NPSR1: variants seen among roughly 807,000 people sequenced by gnomAD.
NPSR1 encodes the protein neuropeptide S receptor 1.
A neutral mutation model predicts 46.9 loss-of-function variants in NPSR1; 48 were observed. The ratio of observed to expected loss-of-function variants is 1.02; its 90% CI spans 0.81 to 1.30. NPSR1 has a LOEUF of 1.30. NPSR1 is among the 50% of genes most tolerant of loss of function. The pLI is 0.00. For synonymous variants in NPSR1, 176 were observed against 168.1 expected, an observed-to-expected ratio of 1.05 and a Z score of -0.36; for missense variants, 450 against 449.5, an observed-to-expected ratio of 1.00 and a Z score of -0.01.
chr7:34,664,620 A>ATTTTTT lies in NPSR1; in HGVS notation c.147+6061_147+6062insTTTTTT, dbSNP rs201440598. On this transcript the variant is annotated intron_variant, in intron 1 of 8. Coordinates refer to ENST00000360581, the MANE Select transcript of NPSR1 (RefSeq NM_207172.2). ...AGCTGTTTCTTTTCTTTTTTTTAAAAAAAAAAAATGAGACCATGAAAATGT... is the reference window on the plus strand; with the variant it reads ...AGCTGTTTCTTTTCTTTTTTTTAAAATTTTTTAAAAAAAATGAGACCATGAAAATGT... 2.5e-3 allele frequency among the ~76,000 whole-genome samples: 369 copies of ATTTTTT among 149,348 alleles called. 3 individuals carry two copies. Among genetic ancestry groups the ATTTTTT allele is most frequent in the African/African-American group, 8.3e-3 (327 of 39,288 alleles).
intron 3 of NPSR1, among the ~76,000 whole-genome samples, chr7:34,781,825 G>A (rs1256225226): frequency 6.6e-6 from 1 of 152,130 alleles, no homozygotes. Flanking sequence ...ATCACAGCCA[G>A]CACCATAGTA....
In NPSR1 at chr7:34,844,913, A is replaced by G. The variant is rs1365615076; in HGVS notation, c.775A>G (p.Ser259Gly). Residue 259 changes from serine to glycine, a missense_variant, in exon 7 of 9, where the codon AGC (serine) becomes GGC (glycine). Physicochemically the swap from Ser to Gly is moderately conservative, Grantham distance 56. Transcript: ENST00000360581. ...SNCSDGKLCSSYNRGLISKAK... is the reference protein window; with the variant it reads ...SNCSDGKLCSGYNRGLISKAK... ...ATCTACAGATGGGAAACTGTGCAGC[A>G]GCTATAACCGAGGACTCATCTCAAA... The G allele has an allele frequency of 6.2e-7, 1 of 1,609,476 alleles. No individual in the cohort carries two copies. Among genetic ancestry groups the G allele is most frequent in the Admixed American group, 1.7e-5 (1 of 60,008 alleles).
In NPSR1 at chr7:34,658,334, C is replaced by G; in HGVS notation, c.-79C>G. On this transcript the variant is annotated 5_prime_UTR_variant, in exon 1 of 9. Coordinates refer to ENST00000360581, the MANE Select transcript of NPSR1 (RefSeq NM_207172.2). ...CCGTTCAGCAGAGCTGCAGCTGCTG[C>G]CCAGCTCTCAGGAGGCAAGCTGGAC... 2.0e-6 allele frequency: 3 copies of G among 1,510,444 alleles called. No individual in the cohort carries two copies. The highest frequency in any genetic ancestry group is 2.7e-6 in the Non-Finnish European group (3 of 1,100,404). 93.6% of individuals were successfully genotyped at this position (1,510,444 alleles called of 1,614,324 possible).
chr7:34,734,642 C>G (rs1433948801), intron 2 of NPSR1, among the ~76,000 whole-genome samples: 1 of 152,188 alleles, frequency 6.6e-6, no homozygotes, highest in Admixed American at 6.5e-5. Context: ...TCAAAACTCA[C>G]AAGAGAAAAA....
At chr7:34,756,884 T>C (rs1785890731) in intron 2 of NPSR1, among the ~76,000 whole-genome samples, 1 of 152,250 alleles carries the variant, frequency 6.6e-6, no homozygotes. Flanking sequence ...CCCTTGTGGC[T>C]GGCACTGAGC....
At chr7:34,669,900 A>G (rs1356687664) in intron 1 of NPSR1, among the ~76,000 whole-genome samples, 1 of 152,178 alleles carries the variant, frequency 6.6e-6, no homozygotes, top group Non-Finnish European at 1.5e-5. Flanking sequence ...AAAAAACGAG[A>G]GTGTTTTATA....
At chr7:34,757,882 C>G (rs1349583570) in intron 2 of NPSR1, among the ~76,000 whole-genome samples, 1 of 152,204 alleles carries the variant, frequency 6.6e-6, no homozygotes, top group Non-Finnish European at 1.5e-5. Flanking sequence ...AGCTCAGACT[C>G]TTCTAGAGGT....
intron 2 of NPSR1, among the ~76,000 whole-genome samples, chr7:34,737,364 AAAG>A (rs1178873925): frequency 1.3e-5 from 2 of 151,494 alleles, no homozygotes; most frequent in Non-Finnish European, 2.9e-5. Flanking sequence ...CACAAACGAA[AAAG>A]AAGAAGCTTA....
At chr7:34,776,767 A>G (rs1044164139) in intron 2 of NPSR1, among the ~76,000 whole-genome samples, 1 of 152,108 alleles carries the variant, frequency 6.6e-6, no homozygotes, top group Non-Finnish European at 1.5e-5. Context: ...GGGACTCTTT[A>G]GTTAGCAGGT....
intron 8 of NPSR1, among the ~76,000 whole-genome samples, chr7:34,877,507 G>A (rs1791604767): frequency 6.6e-6 from 1 of 152,174 alleles, no homozygotes; most frequent in African/African-American, 2.4e-5. Flanking sequence ...AAGGTCAGAG[G>A]CACAGCCTCA....
chr7:34,827,300 A>G, intron 4 of NPSR1, 101 bp from the exon 5 acceptor site: 1 of 913,036 alleles, frequency 1.1e-6, no homozygotes, highest in Non-Finnish European at 1.7e-6. Flanking sequence ...TTTGAGGTCC[A>G]GGGTGGCTGC....
intron 2 of NPSR1, among the ~76,000 whole-genome samples, chr7:34,769,303 TG>T (rs1266288962): frequency 6.6e-6 from 1 of 152,184 alleles, no homozygotes; most frequent in Non-Finnish European, 1.5e-5. Context: ...GTTTCTTCCT[TG>T]AACTTCTGCA....
chr7:34,842,253 G>A (rs1427162420), intron 6 of NPSR1, among the ~76,000 whole-genome samples: 1 of 152,206 alleles, frequency 6.6e-6, no homozygotes, highest in Non-Finnish European at 1.5e-5. Context: ...AGTTTACAAA[G>A]TTTTAGTAAT....
At chr7:34,719,497 A>G (rs1783744438) in intron 2 of NPSR1, 1 of 152,196 alleles carries the variant, frequency 6.6e-6, no homozygotes, top group Admixed American at 6.5e-5. Context: ...TCCCTAGGAA[A>G]AATGCAATAA....
chr7:34,671,880 T>G (rs2128675096), intron 1 of NPSR1, among the ~76,000 whole-genome samples: 1 of 141,326 alleles, frequency 7.1e-6, no homozygotes, highest in South Asian at 2.2e-4. Context: ...AAATACCAGG[T>G]CCAAGCCAAA....
At chr7:34,777,145 C>T (rs1006708131) in intron 2 of NPSR1, among the ~76,000 whole-genome samples, 4 of 152,140 alleles carry the variant, frequency 2.6e-5, no homozygotes, top group Non-Finnish European at 5.9e-5. Flanking sequence ...AGAACTAGAA[C>T]TTGCTTGAAA....
chr7:34,796,648 A>G (rs936131727), intron 3 of NPSR1, among the ~76,000 whole-genome samples: 8 of 152,210 alleles, frequency 5.3e-5, no homozygotes, highest in African/African-American at 1.9e-4. Flanking sequence ...CATATTTATT[A>G]GAATAATCAA....
intron 8 of NPSR1, among the ~76,000 whole-genome samples, chr7:34,869,991 A>G (rs1262689147): frequency 1.3e-5 from 2 of 151,772 alleles, no homozygotes. Flanking sequence ...TTCTTTTTCA[A>G]GAACAGGTAC....
At chr7:34,735,390 T>G (rs2128716034) in intron 2 of NPSR1, among the ~76,000 whole-genome samples, 1 of 152,302 alleles carries the variant, frequency 6.6e-6, no homozygotes, top group South Asian at 2.1e-4. Context: ...TGTGCCATTC[T>G]TGGCAGGGCC....
Sources: gnomAD v4.1 joint callset for allele counts (sites outside exome capture counted in the v4.1 genomes callset) on GRCh38, gnomAD v4.1.1 for gene constraint, MANE v1.5 for transcripts, NCBI Gene and HGNC (gene_info 2026-07-23, HGNC 2026-07-21) for gene names.